The following TPH2 variants were observed in gnomAD, a reference collection of about 807,000 sequenced individuals.
TPH2 encodes the protein tryptophan 5-hydroxylase 2.
TPH2 carries 27 observed loss-of-function variants against 59.1 expected under a neutral mutation model. The observed-to-expected ratio is 0.46, with a 90% CI of 0.34 to 0.63. TPH2 has a LOEUF of 0.63. Among genes scored for constraint, TPH2 ranks in the 30% least tolerant of loss-of-function variants. TPH2 has a pLI of 0.01. For synonymous variants in TPH2, 220 were observed against 210.5 expected (o/e 1.05, Z -0.39); for missense variants, 523 against 588.3 (o/e 0.89, Z 1.15).
intron 9 of TPH2, among the ~76,000 whole-genome samples, chr12:72,026,731 T>C (rs151280078): frequency 3.0e-4 from 45 of 152,178 alleles, no homozygotes; most frequent in Non-Finnish European, 6.5e-4. Flanking sequence ...GAAGGATTGC[T>C]TGAAGATGGA....
rs549562576 is a variant in TPH2 at position 71,956,994 on chromosome 12, G to A, written c.608+7339G>A. Among the ~76,000 whole-genome samples, 5 of 152,306 alleles carry A rather than the reference G, an allele frequency of 3.3e-5. 1 individual carries two copies. Among genetic ancestry groups the A allele is most frequent in the Admixed American group, 3.3e-4 (5 of 15,298 alleles). ...ATCTGTACAACTAATCCCTATGAAA[G>A]AAGAGGTAGCATGGTGTAGCAGAAG... On this transcript the variant is annotated intron_variant, in intron 5 of 10. Transcript: ENST00000333850.
intron 7 of TPH2, among the ~76,000 whole-genome samples, chr12:71,989,915 G>C (rs1316164047): frequency 6.7e-6 from 1 of 150,364 alleles, no homozygotes; most frequent in Non-Finnish European, 1.5e-5. Context: ...CCAATTTAGA[G>C]CAGCAAAAGT....
Position 71,941,692 on chromosome 12 carries a change from A to T in TPH2, c.214A>T (p.Asn72Tyr). Reference protein sequence around the residue: ...GKTAVVFSLKNEVGGLVKALR... With the variant: ...GKTAVVFSLKYEVGGLVKALR... ...GACAGCAGTTGTTTTCTCCTTGAAG[A>T]ATGAAGTTGGTGGATTGGTAAAAGC... The change falls in exon 2 of 11, where the codon AAT becomes TAT. Residue 72 changes from asparagine (N) to tyrosine (Y), a missense_variant. Coordinates refer to ENST00000333850, the MANE Select transcript of TPH2 (RefSeq NM_173353.4). 1 of 1,614,130 alleles carries T rather than the reference A, an allele frequency of 6.2e-7. No homozygotes were observed. Among genetic ancestry groups the T allele is most frequent in the Non-Finnish European group, 8.5e-7 (1 of 1,179,982 alleles).
chr12:72,031,432 T>C (rs751860637), intron 10 of TPH2, 41 bp downstream of exon 10: 3 of 1,613,056 alleles, frequency 1.9e-6, no homozygotes, highest in Admixed American at 1.7e-5. Flanking sequence ...AATAACTTTT[T>C]ATTTTTCTGT....
intron 7 of TPH2, among the ~76,000 whole-genome samples, chr12:71,980,311 C>G (rs963809647): frequency 6.6e-6 from 1 of 152,140 alleles, no homozygotes; most frequent in Non-Finnish European, 1.5e-5. Context: ...TGCTGCTTTA[C>G]TTGAATGCAC....
At chr12:72,005,453 C>T (rs1422544641) in intron 8 of TPH2, among the ~76,000 whole-genome samples, 7 of 152,124 alleles carry the variant, frequency 4.6e-5, no homozygotes, top group African/African-American at 1.7e-4. Context: ...ATCATCTGCA[C>T]TATCACAGCA....
At chr12:71,994,009 C>G (rs891991699) in intron 7 of TPH2, among the ~76,000 whole-genome samples, 1 of 152,164 alleles carries the variant, frequency 6.6e-6, no homozygotes, top group Admixed American at 6.6e-5. Context: ...GGCTATATTC[C>G]AATAAAACTT....
chr12:71,960,539 G>C (rs1348776631), intron 5 of TPH2, among the ~76,000 whole-genome samples: 1 of 152,222 alleles, frequency 6.6e-6, no homozygotes, highest in East Asian at 1.9e-4. Context: ...AAGGGAGCCT[G>C]AGAGTTGCAA....
intron 4 of TPH2, among the ~76,000 whole-genome samples, chr12:71,948,909 A>T (rs957846394): frequency 9.9e-5 from 15 of 152,246 alleles, no homozygotes; most frequent in African/African-American, 3.6e-4. Flanking sequence ...ACTTGACTGA[A>T]AAATGACAGA....
intron 9 of TPH2, among the ~76,000 whole-genome samples, chr12:72,024,384 G>T (rs1873511538): frequency 6.6e-6 from 1 of 152,246 alleles, no homozygotes; most frequent in Non-Finnish European, 1.5e-5. Flanking sequence ...CACTGGAAAA[G>T]AGGATAATAA....
chr12:71,978,927 T>C (rs369685208), intron 6 of TPH2, 25 bp from the exon 7 acceptor site: 32 of 1,614,016 alleles, frequency 2.0e-5, no homozygotes, highest in Non-Finnish European at 2.5e-5. Flanking sequence ...TAATATTTAG[T>C]TGGCTTTTTC....
At chr12:71,969,700 TATGTGAAAAATAAGTTGGG>T (rs1469057160) in intron 5 of TPH2, among the ~76,000 whole-genome samples, 1 of 152,130 alleles carries the variant, frequency 6.6e-6, no homozygotes, top group Admixed American at 6.5e-5. Context: ...TTTAGTTTGG[TATGTGAAAAATAAGTTGGG>T]ATGTGAAAAA....
chr12:72,028,063 G>A (rs1158528111), intron 9 of TPH2, among the ~76,000 whole-genome samples: 1 of 152,128 alleles, frequency 6.6e-6, no homozygotes. Flanking sequence ...CTAGCACTAC[G>A]GGTAAATCCA....
chr12:71,964,588 C>T (rs959382201), intron 5 of TPH2: 1 of 985,154 alleles, frequency 1.0e-6, no homozygotes, highest in Non-Finnish European at 1.2e-6. Context: ...TTGTAGACAC[C>T]TGGATGCAGG....
intron 7 of TPH2, among the ~76,000 whole-genome samples, chr12:71,984,077 A>G (rs1037458961): frequency 1.3e-5 from 2 of 152,168 alleles, no homozygotes; most frequent in African/African-American, 4.8e-5. Context: ...TCAAAGAGCA[A>G]ACTTTCAGCA....
chr12:71,957,455 G>A (rs1871542192), intron 5 of TPH2, among the ~76,000 whole-genome samples: 1 of 149,234 alleles, frequency 6.7e-6, no homozygotes, highest in African/African-American at 2.5e-5. Flanking sequence ...TCCCACCTCA[G>A]CCTCTTGAGT....
At chr12:71,944,829 T>C (rs1871160000) in intron 4 of TPH2, 143 bp downstream of exon 4, 1 of 820,590 alleles carries the variant, frequency 1.2e-6, no homozygotes, top group African/African-American at 1.7e-5. Flanking sequence ...GACTTCCAAA[T>C]GATAAAGCTT....
intron 2 of TPH2, among the ~76,000 whole-genome samples, chr12:71,942,891 C>T (rs1871111173): frequency 6.6e-6 from 1 of 152,204 alleles, no homozygotes; most frequent in Non-Finnish European, 1.5e-5. Flanking sequence ...GTGCCAACGG[C>T]AGGCCAATTC....
intron 7 of TPH2, among the ~76,000 whole-genome samples, chr12:71,985,006 AT>A (rs1413505964): frequency 6.6e-6 from 1 of 152,252 alleles, no homozygotes; most frequent in African/African-American, 2.4e-5. Context: ...TTTATTATGA[AT>A]AGCAAACATG....
Sources: gnomAD v4.1 joint callset for allele counts (sites outside exome capture counted in the v4.1 genomes callset) on GRCh38, gnomAD v4.1.1 for gene constraint, MANE v1.5 for transcripts, NCBI Gene and HGNC (gene_info 2026-07-23, HGNC 2026-07-21) for gene names.